SHANK2: variants seen among roughly 807,000 people sequenced by gnomAD.
SHANK2 encodes the protein SH3 and multiple ankyrin repeat domains 2.
In SHANK2, 43 loss-of-function variants were observed where a neutral mutation model predicts 133.7. The ratio of observed to expected loss-of-function variants is 0.32; its 90% confidence interval spans 0.25 to 0.41. The LOEUF (loss-of-function observed/expected upper bound fraction) is 0.41. Ranked by LOEUF, SHANK2 falls within the 10% of genes least tolerant of loss-of-function variation. The pLI, the probability that SHANK2 is intolerant of heterozygous loss-of-function variation, is 1.00. For missense variants in SHANK2, 1,994 were observed against 2,235.8 expected (o/e 0.89, Z 2.18); for synonymous variants, 1,017 against 952.8 (o/e 1.07, Z -1.24).
intron 2 of SHANK2, among the ~76,000 whole-genome samples, chr11:71,151,138 C>T (rs1555108003): frequency 6.6e-6 from 1 of 152,180 alleles, no homozygotes; most frequent in African/African-American, 2.4e-5. Context: ...GAGGCTCACC[C>T]TGCACTCAGC....
At chr11:70,927,477 G>A (rs546196428) in intron 10 of SHANK2, among the ~76,000 whole-genome samples, 30 of 151,956 alleles carry the variant, frequency 2.0e-4, no homozygotes, top group East Asian at 5.8e-4. Context: ...GATGGGGCCC[G>A]ACATGGGGAG....
At chr11:70,916,788 G>A (rs1950277671) in intron 10 of SHANK2, among the ~76,000 whole-genome samples, 1 of 152,132 alleles carries the variant, frequency 6.6e-6, no homozygotes, top group African/African-American at 2.4e-5. Context: ...TGGGGAAAGG[G>A]AAGCCAGGAG....
chr11:70,940,286 C>T (rs1950629713), intron 10 of SHANK2, among the ~76,000 whole-genome samples: 1 of 145,802 alleles, frequency 6.9e-6, no homozygotes, highest in African/African-American at 2.5e-5. Context: ...CTCGCTGTGT[C>T]ACCAGGCTGG....
At position 71,072,593 on chromosome 11, in the gene SHANK2, T is replaced by C. The variant is rs1951157907; in HGVS notation, c.1029+2566A>G. ...CTTGAACACATGGTTGCATCTATGC[T>C]CATAGCTGCATTATCCACGACACTC... On this transcript the variant is annotated intron_variant, in intron 9 of 25. Coordinates refer to ENST00000601538, the MANE Select transcript of SHANK2 (RefSeq NM_012309.5). Among the ~76,000 whole-genome samples, 4 of 152,198 alleles carry C rather than the reference T, an allele frequency of 2.6e-5. 1 individual carries two copies. The highest frequency in any genetic ancestry group is 2.6e-4 in the Admixed American group (4 of 15,286).
chr11:70,497,373 T>C (rs1177773849), intron 21 of SHANK2, among the ~76,000 whole-genome samples: 1 of 152,232 alleles, frequency 6.6e-6, no homozygotes, highest in Non-Finnish European at 1.5e-5. Flanking sequence ...GGACTCTGGA[T>C]GAAGGGGATT....
At chr11:70,705,891 T>A (rs1319497158) in intron 14 of SHANK2, 1 of 136,730 alleles carries the variant, frequency 7.3e-6, no homozygotes, top group African/African-American at 2.5e-5. Context: ...TTCCCTTTAC[T>A]GATACACATT....
intron 12 of SHANK2, among the ~76,000 whole-genome samples, chr11:70,815,580 C>A (rs1406964598): frequency 2.0e-5 from 3 of 152,228 alleles, no homozygotes; most frequent in African/African-American, 7.2e-5. Flanking sequence ...CCGGTGAGCT[C>A]CTTGGGGCGC....
chr11:70,574,305 C>A (rs782758319), intron 17 of SHANK2, among the ~76,000 whole-genome samples: 20 of 152,210 alleles, frequency 1.3e-4, no homozygotes, highest in Non-Finnish European at 2.5e-4. Flanking sequence ...CCACAGCCTG[C>A]TGGGAACTCA....
intron 1 of SHANK2, among the ~76,000 whole-genome samples, chr11:71,244,613 G>T (rs1591049235): frequency 1.3e-5 from 2 of 152,228 alleles, no homozygotes; most frequent in Admixed American, 1.3e-4. Flanking sequence ...GCTGACTGCA[G>T]GAGCAGATAC....
In SHANK2 at chr11:71,061,363, A is replaced by G. The variant is rs1022439361; in HGVS notation, c.1030-4805T>C. Among the ~76,000 whole-genome samples the G allele has an allele frequency of 2.7e-3, 414 of 152,360 alleles. 6 individuals carry two copies. The highest frequency in any genetic ancestry group is 9.5e-3 in the African/African-American group (397 of 41,580). ...CCCTAACGTGGTCACACATTCACAGAAATGACCACGCTGGCAGGATGCCCT... is the reference window on the plus strand; with the variant it reads ...CCCTAACGTGGTCACACATTCACAGGAATGACCACGCTGGCAGGATGCCCT... On this transcript the variant is annotated intron_variant, in intron 9 of 25. Coordinates refer to ENST00000601538, the MANE Select transcript of SHANK2 (RefSeq NM_012309.5).
chr11:71,085,026 C>T (rs1951359591), intron 8 of SHANK2, among the ~76,000 whole-genome samples: 1 of 152,084 alleles, frequency 6.6e-6, no homozygotes, highest in African/African-American at 2.4e-5. Context: ...GGGTCCTATA[C>T]ACATTTGACC....
rs558014075 is a variant in SHANK2 at position 70,785,089 on chromosome 11, C to T, written c.1777+13354G>A. Among the ~76,000 whole-genome samples the T allele has an allele frequency of 3.9e-4, 59 of 152,256 alleles. 1 individual carries two copies. The highest frequency in any genetic ancestry group is 3.1e-3 in the South Asian group (15 of 4,826). ...CCTGTGTGCCTGCAGCTGCTAGGCC[C>T]GTAGGATGCCTCCGTCCAGCACAGA... is the stretch of plus-strand genomic sequence containing the variant. On this transcript the variant is annotated intron_variant, in intron 14 of 25. Coordinates refer to ENST00000601538, the MANE Select transcript of SHANK2 (RefSeq NM_012309.5).
At chr11:70,909,849 G>A (rs549065935) in intron 10 of SHANK2, among the ~76,000 whole-genome samples, 5 of 152,342 alleles carry the variant, frequency 3.3e-5, no homozygotes, top group East Asian at 1.9e-4. Context: ...GGCTGACAAC[G>A]GGGTACGCTT....
Position 70,625,394 on chromosome 11 carries a change from T to C in SHANK2, c.2061+34434A>G, listed in dbSNP as rs79654220. Among the ~76,000 whole-genome samples, 1,358 of 152,216 alleles carry C rather than the reference T, an allele frequency of 8.9e-3. 22 individuals carry two copies. Among genetic ancestry groups the C allele is most frequent in the East Asian group, 0.065 (334 of 5,150 alleles). ...AATCCTTCTGGTCTCCAGTTTCTTC[T>C]GGAGGTCCAAGCTGATGTGGCATGA... On this transcript the variant is annotated intron_variant, in intron 17 of 25. Transcript: ENST00000601538.
chr11:71,188,155 C>T lies in SHANK2; in HGVS notation c.-13+36542G>A, dbSNP rs1555114786. 2.0e-5 allele frequency among the ~76,000 whole-genome samples: 3 copies of T among 152,166 alleles called. No individual in the cohort carries two copies. Among genetic ancestry groups the T allele is most frequent in the African/African-American group, 7.2e-5 (3 of 41,434 alleles). ...GAGACGTTTCCCTCTGCCTCTGCCCCGTTTTCCCAGCCACTCCTGAGACCT... is the reference window on the plus strand; with the variant it reads ...GAGACGTTTCCCTCTGCCTCTGCCCTGTTTTCCCAGCCACTCCTGAGACCT... On this transcript the variant is annotated intron_variant, in intron 2 of 25. Coordinates refer to ENST00000601538, the MANE Select transcript of SHANK2 (RefSeq NM_012309.5). The surrounding 1 kb of genome is among the most constrained non-coding windows in gnomAD (Gnocchi z 4.6).
chr11:71,085,647 A>ATGTT (rs1202771935), intron 8 of SHANK2, among the ~76,000 whole-genome samples: 3 of 38,242 alleles, frequency 7.8e-5, no homozygotes, highest in Non-Finnish European at 1.5e-4. Flanking sequence ...ATAATATATT[A>ATGTT]TGTTATATAT....
intron 2 of SHANK2, among the ~76,000 whole-genome samples, chr11:71,161,493 A>T (rs1953016311): frequency 6.6e-6 from 1 of 152,208 alleles, no homozygotes; most frequent in Non-Finnish European, 1.5e-5. Flanking sequence ...TTCTCCCTGA[A>T]GTCTGCTACC....
At chr11:71,106,774 C>T (rs782214716) in intron 6 of SHANK2, among the ~76,000 whole-genome samples, 92 of 149,408 alleles carry the variant, frequency 6.2e-4, no homozygotes, top group Non-Finnish European at 1.1e-3. Flanking sequence ...AGCTGTGATC[C>T]TGCCAGCCTG....
chr11:71,061,045 T>C (rs996554136), intron 9 of SHANK2, among the ~76,000 whole-genome samples: 1 of 152,222 alleles, frequency 6.6e-6, no homozygotes, highest in African/African-American at 2.4e-5. Context: ...TACAATTAAA[T>C]CCAGAGTTTC....
Sources: allele counts gnomAD v4.1 joint callset (sites outside exome capture counted in the v4.1 genomes callset), GRCh38; gene constraint gnomAD v4.1.1; non-coding constraint Gnocchi (gnomAD v3.1); transcripts MANE v1.5; gene names NCBI Gene and HGNC (gene_info 2026-07-23, HGNC 2026-07-21).